Variants in YIPF1 observed in about 807,000 individuals in gnomAD.
YIPF1 encodes the protein protein YIPF1.
In YIPF1, 22 loss-of-function variants were observed where a neutral mutation model predicts 37.0. That is an observed-to-expected ratio of 0.59 (90% CI 0.42 to 0.85). The LOEUF is 0.85. Among genes scored for constraint, YIPF1 ranks in the 40% least tolerant of loss-of-function variants. YIPF1 has a pLI of 0.00. For missense variants in YIPF1, 355 were observed against 373.1 expected, an observed-to-expected ratio of 0.95 and a Z score of 0.40; for synonymous variants, 128 against 131.9, an observed-to-expected ratio of 0.97 and a Z score of 0.21.
intron 9 of YIPF1, among the ~76,000 whole-genome samples, chr1:53,863,646 C>A (rs116813471): frequency 3.1e-3 from 468 of 152,286 alleles, no homozygotes; most frequent in African/African-American, 0.011. Flanking sequence ...GCAAGATGGG[C>A]AGGTAAATCC....
At position 53,860,066 on chromosome 1, in the gene YIPF1, A is replaced by G. The variant is rs150719469; in HGVS notation, c.919T>C (p.Ter307GlnextTer1). ...NQTVAAAKSS[*>Q] ...AATAGAATCTCTTACTTTCCTCATT[A>G]GCTGGACTTGGCTGCAGCAACTGTT... The change falls in exon 10 of 11, where the codon TAA becomes CAA. Residue 307 changes from the stop codon to glutamine (Q), a stop_lost. Coordinates refer to ENST00000072644, the MANE Select transcript of YIPF1 (RefSeq NM_018982.5). 6.2e-6 allele frequency: 10 copies of G among 1,614,120 alleles called. No homozygotes were observed. In the African/African-American group the frequency reaches 1.2e-4, roughly 19 times the overall value.
intron 4 of YIPF1, among the ~76,000 whole-genome samples, chr1:53,880,833 T>C (rs972719536): frequency 2.6e-5 from 4 of 152,246 alleles, no homozygotes; most frequent in Non-Finnish European, 5.9e-5. Flanking sequence ...ATTCAATAAA[T>C]AGTGCTGGGA....
At chr1:53,886,757 G>C (rs1302161803) in intron 3 of YIPF1, 1 of 151,874 alleles carries the variant, frequency 6.6e-6, no homozygotes, top group Non-Finnish European at 1.5e-5. Flanking sequence ...CACTCCACAG[G>C]GGCTTTTGCG....
chr1:53,874,782 A>T (rs895086603), intron 6 of YIPF1, among the ~76,000 whole-genome samples: 8 of 152,030 alleles, frequency 5.3e-5, no homozygotes, highest in Non-Finnish European at 8.8e-5. Context: ...ATATATATAT[A>T]TTTTTAATGG....
At chr1:53,861,106 C>T (rs1364498282) in intron 9 of YIPF1, among the ~76,000 whole-genome samples, 3 of 152,226 alleles carry the variant, frequency 2.0e-5, no homozygotes, top group Non-Finnish European at 4.4e-5. Context: ...TCTCCCCTAC[C>T]TGTTGCTATT....
intron 10 of YIPF1, among the ~76,000 whole-genome samples, chr1:53,856,915 T>C (rs1471171265): frequency 6.6e-6 from 1 of 152,216 alleles, no homozygotes; most frequent in Non-Finnish European, 1.5e-5. Flanking sequence ...GACTTGCTTC[T>C]AGTCAATAGA....
chr1:53,883,290 G>A lies in YIPF1; in HGVS notation c.32-14C>T. On this transcript the variant is annotated splice_polypyrimidine_tract_variant and intron_variant, in intron 3 of 10. Coordinates refer to ENST00000072644, the MANE Select transcript of YIPF1 (RefSeq NM_018982.5). ...CATTGCCAAATTCTGAAATCAATTA[G>A]AGCACACGGGCCTCAGAAACCTTAC... The A allele has an allele frequency of 6.5e-7, 1 of 1,536,148 alleles. No individual in the cohort carries two copies. Among genetic ancestry groups the A allele is most frequent in the Non-Finnish European group, 8.7e-7 (1 of 1,144,546 alleles).
In YIPF1 at chr1:53,866,079, T is replaced by G. The variant is rs1650013375; in HGVS notation, c.831+121A>C. On this transcript the variant is annotated intron_variant, in intron 9 of 10. Transcript: ENST00000072644. ...CCTCCCAAAGTATTGGGATTATGGG[T>G]GTGAGCCAACATGCCCAGCCCATGG... 3 of 1,274,432 alleles carry G rather than the reference T, an allele frequency of 2.4e-6. No individual in the cohort carries two copies. In the Admixed American group the frequency reaches 7.7e-5, roughly 33 times the overall value. The allele number at this position is 1,274,432 out of a possible 1,614,324, so 78.9% of individuals were successfully genotyped here.
rs1457856743 is a variant in YIPF1, at chr1:53,883,291, A to G, written c.32-15T>C. On this transcript the variant is annotated splice_polypyrimidine_tract_variant and intron_variant, in intron 3 of 10. Coordinates refer to ENST00000072644, the MANE Select transcript of YIPF1 (RefSeq NM_018982.5). ...ATTGCCAAATTCTGAAATCAATTAG[A>G]GCACACGGGCCTCAGAAACCTTACC... The G allele has an allele frequency of 6.5e-7, 1 of 1,536,632 alleles. No individual in the cohort carries two copies. Among genetic ancestry groups the G allele is most frequent in the Non-Finnish European group, 8.7e-7 (1 of 1,144,778 alleles).
Position 53,887,226 on chromosome 1 carries a change from T to C in YIPF1, c.31+1681A>G, listed in dbSNP as rs905688946. 9.2e-5 allele frequency among the ~76,000 whole-genome samples: 14 copies of C among 151,926 alleles called. 1 individual carries two copies. Among genetic ancestry groups the C allele is most frequent in the Non-Finnish European group, 1.5e-5 (1 of 68,038 alleles). ...TCCAGAGTAGCTGGGATTACAGGCG[T>C]GCACCACCATGCCCAGCTAATTTTT... On this transcript the variant is annotated intron_variant, in intron 3 of 10. Transcript: ENST00000072644.
At chr1:53,861,597 A>G (rs1442239465) in intron 9 of YIPF1, among the ~76,000 whole-genome samples, 1 of 146,244 alleles carries the variant, frequency 6.8e-6, no homozygotes, top group East Asian at 2.1e-4. Context: ...TGTGGTGGAG[A>G]GAGAAGGAAA....
At chr1:53,866,042 C>A (rs1883452) in intron 9 of YIPF1, among the ~76,000 whole-genome samples, 158 bp downstream of exon 9, 30 of 152,114 alleles carry the variant, frequency 2.0e-4, no homozygotes, top group Admixed American at 3.3e-4. Context: ...GCTCGAGATC[C>A]GCCCACTTGG....
At chr1:53,874,800 C>T (rs1024659118) in intron 6 of YIPF1, among the ~76,000 whole-genome samples, 12 of 152,032 alleles carry the variant, frequency 7.9e-5, no homozygotes, top group East Asian at 1.9e-4. Flanking sequence ...TGGTATCATT[C>T]TATTCATATC....
At chr1:53,880,374 A>C (rs1424693326) in intron 4 of YIPF1, among the ~76,000 whole-genome samples, 2 of 152,204 alleles carry the variant, frequency 1.3e-5, no homozygotes. Flanking sequence ...GGACCTCTTC[A>C]AAGAAAACTA....
chr1:53,877,636 G>C (rs1189677611), intron 6 of YIPF1, among the ~76,000 whole-genome samples: 2 of 152,032 alleles, frequency 1.3e-5, no homozygotes, highest in South Asian at 4.2e-4. Flanking sequence ...TTCCACTGCT[G>C]GTGACCAAAT....
At chr1:53,878,990 G>C (rs1650414440) in intron 4 of YIPF1, among the ~76,000 whole-genome samples, 1 of 152,252 alleles carries the variant, frequency 6.6e-6, no homozygotes, top group African/African-American at 2.4e-5. Context: ...GACTCCTGCT[G>C]GGCTTAGTTC....
At chr1:53,873,609 T>C (rs1650250843) in intron 6 of YIPF1, among the ~76,000 whole-genome samples, 1 of 151,816 alleles carries the variant, frequency 6.6e-6, no homozygotes, top group South Asian at 2.1e-4. Context: ...GGCTAGGAGT[T>C]TGAGGCAGCA....
intron 9 of YIPF1, among the ~76,000 whole-genome samples, chr1:53,864,787 C>T (rs1043539378): frequency 1.3e-5 from 2 of 152,100 alleles, no homozygotes; most frequent in East Asian, 1.9e-4. Context: ...ACAGAAGACA[C>T]AAAACCATGT....
intron 4 of YIPF1, among the ~76,000 whole-genome samples, chr1:53,882,670 G>GCT: frequency 6.6e-6 from 1 of 152,246 alleles, no homozygotes; most frequent in African/African-American, 2.4e-5. Context: ...TGTTGCCCAG[G>GCT]CTGGTCTCGA....
Sources: gnomAD v4.1 joint callset for allele counts (sites outside exome capture counted in the v4.1 genomes callset) on GRCh38, gnomAD v4.1.1 for gene constraint, MANE v1.5 for transcripts, NCBI Gene and HGNC (gene_info 2026-07-23, HGNC 2026-07-21) for gene names.